The following USP9X variants were observed in gnomAD, a reference collection of about 807,000 sequenced individuals.
The protein encoded by USP9X is ubiquitin carboxyl-terminal hydrolase 9X.
In USP9X, 7 loss-of-function variants were observed where a neutral mutation model predicts 190.3. The ratio of observed to expected loss-of-function variants is 0.04; its 90% CI spans 0.02 to 0.07. The LOEUF is 0.07. Among genes scored for constraint, USP9X ranks in the 10% least tolerant of loss-of-function variants. The probability of loss-of-function intolerance (pLI) is 1.00; values close to 1 mark genes in which losing one functional copy is unlikely to be tolerated. For missense variants in USP9X, 1,010 were observed against 1,916.9 expected, an observed-to-expected ratio of 0.53 and a Z score of 8.83; for synonymous variants, 645 against 659.5, an observed-to-expected ratio of 0.98 and a Z score of 0.34.
rs770546962 is a variant in USP9X at position 41,196,758 on chromosome X, C to G, written c.4233+20C>G. The G allele has an allele frequency of 9.4e-7, 1 of 1,064,818 alleles. No homozygotes were observed. The highest frequency in any genetic ancestry group is 2.9e-5 in the Admixed American group (1 of 34,901). 87.8% of individuals were successfully genotyped at this position (1,064,818 alleles called of 1,213,427 possible). ...ATTAGGGTAAGTTTTAGTTAATACT[C>G]CATTTATATGTCATTATTAGTAAAT... is the stretch of plus-strand genomic sequence containing the variant. On this transcript the variant is annotated intron_variant, in intron 28 of 44. Transcript: ENST00000378308.
At chrX:41,118,069 C>G (rs1346197839) in intron 1 of USP9X, among the ~76,000 whole-genome samples, 1 of 111,583 alleles carries the variant, frequency 9.0e-6, no homozygotes, top group Non-Finnish European at 1.9e-5. Context: ...GTTGGTCAGG[C>G]TGGTCTTGAA....
intron 26 of USP9X, among the ~76,000 whole-genome samples, chrX:41,192,540 C>T (rs1243093308): frequency 1.8e-5 from 2 of 111,977 alleles, no homozygotes; most frequent in Admixed American, 9.5e-5. Flanking sequence ...TGGGATAGTG[C>T]TTTCAGAGCA....
chrX:41,099,252 A>T (rs1466553832), intron 1 of USP9X, among the ~76,000 whole-genome samples: 1 of 108,577 alleles, frequency 9.2e-6, no homozygotes, highest in Non-Finnish European at 1.9e-5. Context: ...CTGACGTTTG[A>T]GATTGTTCAG....
At chrX:41,135,177 C>T (rs960200490) in intron 5 of USP9X, among the ~76,000 whole-genome samples, 6 of 110,504 alleles carry the variant, frequency 5.4e-5, no homozygotes, top group African/African-American at 2.0e-4. Context: ...AAGAAAAACA[C>T]CCAAGATGGG....
At chrX:41,112,903 T>C (rs927205589) in intron 1 of USP9X, among the ~76,000 whole-genome samples, 5 of 112,876 alleles carry the variant, frequency 4.4e-5, no homozygotes, top group African/African-American at 3.2e-5. Context: ...AAAAGAATCC[T>C]TGAAGTCCAG....
rs192838217 is a variant in USP9X at position 41,147,958 on chromosome X, G to T, written c.1420-411G>T. ...TGGTGCCAGCTTAACCGTGAGTTTT[G>T]GGGGGGACATTCGAACCATAGCAGT... On this transcript the variant is annotated intron_variant, in intron 11 of 44. Transcript: ENST00000378308. 3.8e-3 allele frequency among the ~76,000 whole-genome samples: 418 copies of T among 110,758 alleles called. 4 individuals carry two copies. Among genetic ancestry groups the T allele is most frequent in the African/African-American group, 0.013 (391 of 30,427 alleles).
chrX:41,197,346 A>ACCCCCCCCCCC lies in USP9X; in HGVS notation c.4234-12_4234-11insCCCCCCCCCCC. On this transcript the variant is annotated splice_polypyrimidine_tract_variant and intron_variant, in intron 28 of 44. Coordinates refer to ENST00000378308, the MANE Select transcript of USP9X (RefSeq NM_001039591.3). ...TTTGATTTCTTCCCCCCCCCACCCC[A>ACCCCCCCCCCC]CCCCCCGCCTTTGGCAGGATGATGT... 3.5e-6 allele frequency: 1 copy of ACCCCCCCCCCC among 288,155 alleles called. No individual in the cohort carries two copies. Among genetic ancestry groups the ACCCCCCCCCCC allele is most frequent in the Non-Finnish European group, 5.1e-6 (1 of 195,354 alleles). The allele number at this position is 288,155 out of a possible 1,213,427, so 23.7% of individuals were successfully genotyped here.
rs1000577576 is a variant in USP9X, at chrX:41,096,194, T to TC, written c.-159+10092dup. 1.2e-3 allele frequency among the ~76,000 whole-genome samples: 139 copies of TC among 111,724 alleles called. 2 individuals are homozygous for TC. In the Middle Eastern group the frequency reaches 0.028, roughly 22 times the overall value. On this transcript the variant is annotated intron_variant, in intron 1 of 44. Transcript: ENST00000378308. ...GATTATCAAAGCACAAGTGTCATCTTCCCCCCCGCTCCCCGCAAGGGGTTA... is the reference window on the plus strand; with the variant it reads ...GATTATCAAAGCACAAGTGTCATCTTCCCCCCCCGCTCCCCGCAAGGGGTTA...
At chrX:41,132,295 A>ATT (rs11356870) in intron 4 of USP9X, among the ~76,000 whole-genome samples, 1,121 of 54,437 alleles carry the variant, frequency 0.021, 26 homozygotes, top group African/African-American at 0.037. Context: ...ATGCCCACTA[A>ATT]TTTTTTTTTT....
At chrX:41,231,974 T>C (rs1403637065) in intron 44 of USP9X, among the ~76,000 whole-genome samples, 1 of 111,788 alleles carries the variant, frequency 8.9e-6, no homozygotes, top group Non-Finnish European at 1.9e-5. Context: ...ACTGCTCCTA[T>C]ATATCTTACA....
chrX:41,117,576 CTTCTTTTTTTTTTT>C (rs2062158811), intron 1 of USP9X, among the ~76,000 whole-genome samples: 1 of 98,426 alleles, frequency 1.0e-5, no homozygotes, highest in East Asian at 3.1e-4. Context: ...TTTTTTTCTT[CTTCTTTTTTTTTTT>C]TTTTTGAGAC....
chrX:41,092,613 G>T (rs940923586), intron 1 of USP9X, among the ~76,000 whole-genome samples: 3 of 111,439 alleles, frequency 2.7e-5, no homozygotes, highest in African/African-American at 9.8e-5. Flanking sequence ...AGGACATTGG[G>T]TAAAATTTTT....
At chrX:41,218,267 G>A in intron 36 of USP9X, 105 bp from the exon 37 acceptor site, 1 of 775,480 alleles carries the variant, frequency 1.3e-6, no homozygotes, top group Middle Eastern at 3.8e-4. Flanking sequence ...TCCAGCAGTA[G>A]AGGAAGATCT....
At chrX:41,174,855 C>T (rs1427409988) in intron 21 of USP9X, among the ~76,000 whole-genome samples, 1 of 111,176 alleles carries the variant, frequency 9.0e-6, no homozygotes, top group Non-Finnish European at 1.9e-5. Flanking sequence ...ATTAGCCGGG[C>T]GTGTTAGTGT....
intron 2 of USP9X, among the ~76,000 whole-genome samples, chrX:41,125,200 C>T (rs369801771): frequency 9.1e-6 from 1 of 110,221 alleles, no homozygotes; most frequent in Non-Finnish European, 1.9e-5. Context: ...CTCAGCCTCT[C>T]GAGTAGCTGG....
rs189740431 is a variant in USP9X at position 41,150,160 on chromosome X, A to C, written c.1627-761A>C. Among the ~76,000 whole-genome samples, 6 of 110,783 alleles carry C rather than the reference A, an allele frequency of 5.4e-5. No individual in the cohort carries two copies. In the East Asian group the frequency reaches 1.7e-3, roughly 31 times the overall value. The stretch of plus-strand genomic sequence containing the variant: ...ACTTGAGGGGTTTCAGGAAAAAAAA[A>C]AAACAAAAAACTCCACAAAATTGTT... On this transcript the variant is annotated intron_variant, in intron 12 of 44. Coordinates refer to ENST00000378308, the MANE Select transcript of USP9X (RefSeq NM_001039591.3).
At chrX:41,214,473 A>AT (rs1555933680) in intron 33 of USP9X, 95 bp from the exon 34 acceptor site, 1 of 876,202 alleles carries the variant, frequency 1.1e-6, no homozygotes, top group Non-Finnish European at 1.5e-6. Flanking sequence ...TTAAAGTATA[A>AT]TTTAAAAAAA....
intron 14 of USP9X, among the ~76,000 whole-genome samples, chrX:41,155,254 T>G (rs2062566696): frequency 8.9e-6 from 1 of 111,967 alleles, no homozygotes; most frequent in South Asian, 3.7e-4. Flanking sequence ...TAAACATTAT[T>G]TAGATAAAAG....
chrX:41,211,943 C>T (rs1282765263), intron 33 of USP9X, among the ~76,000 whole-genome samples: 3 of 113,924 alleles, frequency 2.6e-5, no homozygotes, highest in Non-Finnish European at 3.8e-5. Context: ...GCCCGGCCAC[C>T]ACCCCGTCTG....
Sources: gnomAD v4.1 joint callset for allele counts (sites outside exome capture counted in the v4.1 genomes callset) on GRCh38, gnomAD v4.1.1 for gene constraint, MANE v1.5 for transcripts, NCBI Gene and HGNC (gene_info 2026-07-23, HGNC 2026-07-21) for gene names.